The following TACC1 variants were observed in gnomAD, a reference collection of about 807,000 sequenced individuals.
TACC1 encodes the protein transforming acidic coiled-coil-containing protein 1.
A neutral mutation model predicts 84.4 loss-of-function variants in TACC1; 48 were observed. The observed-to-expected ratio is 0.57, with a 90% CI of 0.45 to 0.72. The LOEUF (loss-of-function observed/expected upper bound fraction) is 0.72, where lower values mean the gene tolerates loss of function less well. TACC1 is among the 30% of genes least tolerant of loss of function. The pLI, the probability that TACC1 is intolerant of heterozygous loss-of-function variation, is 0.00. For missense variants in TACC1, 920 were observed against 973.0 expected (o/e 0.95, Z 0.72); for synonymous variants, 372 against 376.3 (o/e 0.99, Z 0.13).
rs141455012 is a variant in TACC1, at chr8:38,780,080, G to A, written c.27-8624G>A. 2.1e-3 allele frequency among the ~76,000 whole-genome samples: 326 copies of A among 152,266 alleles called. 1 individual carries two copies. Among genetic ancestry groups the A allele is most frequent in the African/African-American group, 7.6e-3 (316 of 41,550 alleles). On this transcript the variant is annotated intron_variant, in intron 3 of 14. Transcript: ENST00000518415. ...AGTCAGAAGCTTCATTTTTTTAAAT[G>A]TAACCAAATCTATCTTTATTTTGTG...
At chr8:38,787,225 C>G, upstream of TACC1, 1 of 1,000,722 alleles carries the variant, frequency 1.0e-6, no homozygotes, top group Non-Finnish European at 1.2e-6. Flanking sequence ...GCCCCGCCGG[C>G]CGGGAGGCGG....
intron 2 of TACC1, among the ~76,000 whole-genome samples, chr8:38,797,602 T>A (rs1820291514): frequency 6.6e-6 from 1 of 152,254 alleles, no homozygotes; most frequent in African/African-American, 2.4e-5. Flanking sequence ...CCTCTCTTGC[T>A]GAACATTCCT....
chr8:38,742,514 C>T, intron 2 of TACC1: 9 of 1,226,092 alleles, frequency 7.3e-6, no homozygotes, highest in Non-Finnish European at 1.0e-5. Context: ...ATTTTTATTT[C>T]CTAGTGAAAA....
chr8:38,754,813 T>G (rs1404165390), intron 3 of TACC1, among the ~76,000 whole-genome samples: 1 of 152,250 alleles, frequency 6.6e-6, no homozygotes, highest in East Asian at 1.9e-4. Flanking sequence ...CTGGGAACTT[T>G]CTGGCTAAGT....
intron 1 of TACC1, among the ~76,000 whole-genome samples, chr8:38,734,456 A>G (rs1298408841): frequency 2.0e-5 from 3 of 152,142 alleles, no homozygotes; most frequent in Non-Finnish European, 4.4e-5. Context: ...TTGGCCTCCC[A>G]AAGTGCTGAG....
At chr8:38,847,695 G>T (rs770604086) in intron 12 of TACC1, among the ~76,000 whole-genome samples, 4 of 152,218 alleles carry the variant, frequency 2.6e-5, no homozygotes, top group Non-Finnish European at 4.4e-5. Context: ...GAAAATTGGG[G>T]AACTAAGAGA....
At chr8:38,792,686 C>T (rs1233789608) in intron 2 of TACC1, among the ~76,000 whole-genome samples, 1 of 152,132 alleles carries the variant, frequency 6.6e-6, no homozygotes, top group South Asian at 2.1e-4. Context: ...AGGATGGTCT[C>T]GATCTCCTGA....
chr8:38,820,540 T>C lies in TACC1; in HGVS notation c.1296T>C (p.Thr432=). 6.2e-7 allele frequency: 1 copy of C among 1,614,150 alleles called. No homozygotes were observed. The highest frequency in any genetic ancestry group is 1.1e-5 in the South Asian group (1 of 91,078). Residue 432 remains threonine (T), a synonymous_variant, in exon 3 of 13, where the codon ACT becomes ACC. Coordinates refer to ENST00000317827, the MANE Select transcript of TACC1 (RefSeq NM_006283.3). ...AATCCATGGATCCCTTTAAACCAAC[T>C]ACGACCTTAACAAGCAGTGACTTTT... ...FDESMDPFKP[T]TTLTSSDFCS...
chr8:38,822,850 AACCCTACGGG>A (rs1215063684), intron 3 of TACC1, among the ~76,000 whole-genome samples: 2 of 152,212 alleles, frequency 1.3e-5, no homozygotes, highest in African/African-American at 4.8e-5. Context: ...GTTCCATTAT[AACCCTACGGG>A]ACCACCATCG....
At chr8:38,779,452 T>C (rs1373344059) in intron 3 of TACC1, among the ~76,000 whole-genome samples, 1 of 152,250 alleles carries the variant, frequency 6.6e-6, no homozygotes, top group East Asian at 1.9e-4. Context: ...TGAGCACTGC[T>C]AGGCCTGCTC....
chr8:38,745,675 C>G (rs190967474), intron 3 of TACC1, among the ~76,000 whole-genome samples: 50 of 152,170 alleles, frequency 3.3e-4, no homozygotes, highest in Admixed American at 1.6e-3. Context: ...TTCCGAGTAG[C>G]TGGGACTACA....
intron 2 of TACC1, among the ~76,000 whole-genome samples, chr8:38,795,232 C>T (rs1324754243): frequency 1.3e-5 from 2 of 152,148 alleles, no homozygotes; most frequent in Non-Finnish European, 2.9e-5. Context: ...AGTGCAGAAC[C>T]ACAGAGGAGC....
chr8:38,812,483 T>G (rs1824444641), intron 2 of TACC1, among the ~76,000 whole-genome samples: 2 of 152,338 alleles, frequency 1.3e-5, no homozygotes, highest in South Asian at 4.1e-4. Flanking sequence ...AGAACCTACG[T>G]TGAAATATTG....
At chr8:38,758,049 A>T (rs1409480873) in intron 3 of TACC1, among the ~76,000 whole-genome samples, 2 of 152,242 alleles carry the variant, frequency 1.3e-5, no homozygotes, top group African/African-American at 2.4e-5. Flanking sequence ...GGTTTGAAAG[A>T]TGGCCAATGC....
Position 38,852,957 on chromosome 8 carries a change from A to G in TACC1, c.*4934A>G, listed in dbSNP as rs1833296800. On this transcript the variant is annotated 3_prime_UTR_variant, in exon 13 of 13. Transcript: ENST00000317827. ...ACTATTTGTAAAAGTTATACTCACA[A>G]ATTATTATAATGATTACTAATATAT... 1 of 152,648 alleles carries G rather than the reference A, an allele frequency of 6.6e-6. No individual in the cohort carries two copies. The highest frequency in any genetic ancestry group is 2.4e-5 in the African/African-American group (1 of 41,452). 9.5% of individuals were successfully genotyped at this position (152,648 alleles called of 1,614,324 possible).
chr8:38,843,634 C>T (rs899255124), intron 11 of TACC1: 5 of 279,192 alleles, frequency 1.8e-5, no homozygotes, highest in Admixed American at 1.6e-4. Flanking sequence ...TTGTTGGTTT[C>T]TGTTTTTTCT....
chr8:38,745,385 A>G (rs1807870725), exon 3 of TACC1: 2 of 619,700 alleles, frequency 3.2e-6, no homozygotes, highest in Non-Finnish European at 5.7e-6. Flanking sequence ...TCCAAGATTG[A>G]AACCCAAATT....
intron 7 of TACC1, 84 bp downstream of exon 7, chr8:38,836,371 G>C: frequency 6.5e-7 from 1 of 1,550,300 alleles, no homozygotes; most frequent in Non-Finnish European, 8.7e-7. Context: ...ATCTCTGCTG[G>C]CTCAAGTTAT....
chr8:38,732,609 G>A (rs1200919816), intron 1 of TACC1, among the ~76,000 whole-genome samples: 1 of 152,144 alleles, frequency 6.6e-6, no homozygotes, highest in East Asian at 1.9e-4. Context: ...CATTGACTGA[G>A]CACTTACTAT....
Sources: gnomAD v4.1 joint callset for allele counts (sites outside exome capture counted in the v4.1 genomes callset) on GRCh38, gnomAD v4.1.1 for gene constraint, MANE v1.5 for transcripts, NCBI Gene and HGNC (gene_info 2026-07-23, HGNC 2026-07-21) for gene names.